CACNG6: variants seen among roughly 807,000 people sequenced by gnomAD.
CACNG6 encodes voltage-dependent calcium channel gamma-6 subunit.
In CACNG6, 21 loss-of-function variants were observed where a neutral mutation model predicts 23.9. The observed-to-expected ratio is 0.88, with a 90% CI of 0.62 to 1.26. The LOEUF (loss-of-function observed/expected upper bound fraction) is 1.26. CACNG6 is among the 50% of genes most tolerant of loss of function. The probability of loss-of-function intolerance (pLI) is 0.00; values close to 1 mark genes in which losing one functional copy is unlikely to be tolerated. For missense variants in CACNG6, 340 were observed against 352.9 expected, an observed-to-expected ratio of 0.96 and a Z score of 0.29; for synonymous variants, 182 against 168.9, an observed-to-expected ratio of 1.08 and a Z score of -0.60.
intron 3 of CACNG6, among the ~76,000 whole-genome samples, chr19:54,005,248 A>AATAAATAAAT (rs2069629560): frequency 8.2e-6 from 1 of 122,120 alleles, no homozygotes; most frequent in Non-Finnish European, 1.7e-5. Flanking sequence ...TAAATAAATA[A>AATAAATAAAT]ATAATAATAA....
chr19:54,005,052 T>C lies in CACNG6; in HGVS notation c.544+5281T>C, dbSNP rs180834894. Among the ~76,000 whole-genome samples the C allele has an allele frequency of 2.5e-3, 367 of 147,226 alleles. 1 individual carries two copies. The highest frequency in any genetic ancestry group is 8.7e-3 in the African/African-American group (349 of 39,888). ...TGGTGAAACCCTGACTCTACTAAAA[T>C]ACAAAAATCAGCCGGGCGTGGTGGC... On this transcript the variant is annotated intron_variant, in intron 3 of 3. Transcript: ENST00000252729.
chr19:54,011,958 G>T lies in CACNG6; in HGVS notation c.552G>T (p.Leu184=), dbSNP rs750548219. The T allele has an allele frequency of 2.4e-5, 36 of 1,527,426 alleles. No homozygotes were observed. In the Admixed American group the frequency reaches 7.7e-4, roughly 33 times the overall value. The allele number at this position is 1,527,426 out of a possible 1,614,324, so 94.6% of individuals were successfully genotyped here. ...CTGTCCTCTCTCCCGCAGGCCTGCTGCTCTTGGTGAGCCTGGAGGTGTTCC... is the reference window on the plus strand; with the variant it reads ...CTGTCCTCTCTCCCGCAGGCCTGCTTCTCTTGGTGAGCCTGGAGGTGTTCC... ...GAVCFGLSGL[L]LLVSLEVFRH... The change falls in exon 4 of 4, where the codon CTG becomes CTT. Residue 184 remains leucine, a synonymous_variant. Transcript: ENST00000252729.
Position 53,998,327 on chromosome 19 carries a change from ACC to A in CACNG6, c.406+18_406+19del. 6.2e-7 allele frequency: 1 copy of A among 1,611,734 alleles called. No individual in the cohort carries two copies. Among genetic ancestry groups the A allele is most frequent in the Non-Finnish European group, 8.5e-7 (1 of 1,178,108 alleles). On this transcript the variant is annotated intron_variant, in intron 2 of 3. Coordinates refer to ENST00000252729, the MANE Select transcript of CACNG6 (RefSeq NM_145814.2). The stretch of plus-strand genomic sequence containing the variant: ...CCACAAAGAAAGGTGAGAACTTTTC[ACC>A]CCCTGCTGGGTGACAGGTGGGGGAA...
At chr19:54,009,773 T>C (rs2069684569) in intron 3 of CACNG6, among the ~76,000 whole-genome samples, 1 of 93,766 alleles carries the variant, frequency 1.1e-5, no homozygotes, top group South Asian at 3.7e-4. Flanking sequence ...TTCTTCTTTT[T>C]TGCTTTTTTT....
chr19:53,998,851 C>T (rs1208460225), intron 2 of CACNG6, among the ~76,000 whole-genome samples: 2 of 151,810 alleles, frequency 1.3e-5, no homozygotes, highest in African/African-American at 4.8e-5. Flanking sequence ...ATGCCACGTT[C>T]TGTGTCACCC....
At chr19:54,011,205 A>AAAAAATATATATATATATATAT (rs58054808) in intron 3 of CACNG6, among the ~76,000 whole-genome samples, 3 of 102,508 alleles carry the variant, frequency 2.9e-5, no homozygotes, top group African/African-American at 4.9e-5. Flanking sequence ...AAAAAAAAAA[A>AAAAAATATATATATATATATAT]ATATATATAT....
In CACNG6 at chr19:53,992,963, CG is replaced by C; in HGVS notation, c.90del (p.Leu31Ter). On this transcript the variant is annotated frameshift_variant, in exon 1 of 4. Coordinates refer to ENST00000252729, the MANE Select transcript of CACNG6 (RefSeq NM_145814.2). LOFTEE classifies it high-confidence loss of function. This position sits in a 1 kb window ranked among gnomAD's most constrained non-coding sequence, Gnocchi z 4.1. ...GRRRAHGQGR[S>X]GLTPEREGKV... ...CGGCGGGCGCACGGGCAGGGCAGGT[CG>C]GGGCTGACGCCCGAGCGCGAGGGGA... 7.0e-7 allele frequency: 1 copy of C among 1,429,020 alleles called. No homozygotes were observed. Among genetic ancestry groups the C allele is most frequent in the Non-Finnish European group, 9.1e-7 (1 of 1,095,616 alleles). The allele number at this position is 1,429,020 out of a possible 1,614,324, so 88.5% of individuals were successfully genotyped here. A position where few individuals can be genotyped will look rare whatever the true frequency, so the allele number is the denominator to read the frequency against.
intron 3 of CACNG6, 42 bp from the exon 4 acceptor site, chr19:54,011,909 G>C: frequency 7.4e-7 from 1 of 1,350,632 alleles, no homozygotes; most frequent in Non-Finnish European, 9.8e-7. Context: ...GACACAGCTG[G>C]GGTCGCGGGC....
chr19:54,000,298 G>A (rs954614690), intron 3 of CACNG6, among the ~76,000 whole-genome samples: 7 of 152,146 alleles, frequency 4.6e-5, no homozygotes, highest in Admixed American at 1.3e-4. Context: ...GCACTATAGC[G>A]TGTTGAGAGG....
Position 54,011,932 on chromosome 19 carries a change from G to C in CACNG6, c.545-19G>C. Reference sequence around the variant, plus strand: ...TGGGGTCGCGGGCGTCTGACTGCGAGCTGTCCTCTCTCCCGCAGGCCTGCT... The same window carrying C: ...TGGGGTCGCGGGCGTCTGACTGCGACCTGTCCTCTCTCCCGCAGGCCTGCT... On this transcript the variant is annotated intron_variant, in intron 3 of 3. Coordinates refer to ENST00000252729, the MANE Select transcript of CACNG6 (RefSeq NM_145814.2). The C allele has an allele frequency of 6.9e-7, 1 of 1,453,054 alleles. No individual in the cohort carries two copies. Among genetic ancestry groups the C allele is most frequent in the Non-Finnish European group, 9.1e-7 (1 of 1,098,000 alleles). 90.0% of individuals were successfully genotyped at this position (1,453,054 alleles called of 1,614,324 possible).
intron 3 of CACNG6, among the ~76,000 whole-genome samples, chr19:54,002,280 TTTTG>T (rs796738059): frequency 1.5e-4 from 20 of 135,176 alleles, no homozygotes; most frequent in African/African-American, 6.5e-4. Flanking sequence ...TTTTTGTTTT[TTTTG>T]TTTTTTTTTT....
At chr19:54,008,817 A>T (rs913388960) in intron 3 of CACNG6, among the ~76,000 whole-genome samples, 1 of 151,986 alleles carries the variant, frequency 6.6e-6, no homozygotes, top group Non-Finnish European at 1.5e-5. Flanking sequence ...CCTTCCTTTC[A>T]TGCATCACCC....
intron 1 of CACNG6, among the ~76,000 whole-genome samples, chr19:53,995,063 G>T (rs1045412448): frequency 1.3e-5 from 2 of 152,090 alleles, no homozygotes; most frequent in Admixed American, 6.5e-5. Flanking sequence ...AAATGAGGGG[G>T]CGAGAAATCT....
At chr19:54,009,624 GC>G (rs1568819169) in intron 3 of CACNG6, among the ~76,000 whole-genome samples, 1 of 151,922 alleles carries the variant, frequency 6.6e-6, no homozygotes, top group African/African-American at 2.4e-5. Context: ...CTTACTTGCC[GC>G]CCTGTGTGTT....
In CACNG6 at chr19:53,992,921, G is replaced by C. The variant is rs904562967; in HGVS notation, c.44G>C (p.Arg15Pro). Reference sequence around the variant, plus strand: ...TTCCTGCAAGAGGAGAACCGGCGGCGGGGGGCCGCGGGCCGGCGGCGGGCG... The same window carrying C: ...TTCCTGCAAGAGGAGAACCGGCGGCCGGGGGCCGCGGGCCGGCGGCGGGCG... ...NFFLQEENRRRGAAGRRRAHG... is the reference protein window; with the variant it reads ...NFFLQEENRRPGAAGRRRAHG... The change falls in exon 1 of 4, where the codon CGG becomes CCG. Residue 15 changes from arginine (R) to proline (P), a missense_variant. Physicochemically the swap from Arg to Pro is moderately radical, Grantham distance 103. Transcript: ENST00000252729. The surrounding 1 kb of genome is among the most constrained non-coding windows in gnomAD (Gnocchi z 4.1). 2 of 1,399,048 alleles carry C rather than the reference G, an allele frequency of 1.4e-6. No individual in the cohort carries two copies. Among genetic ancestry groups the C allele is most frequent in the Non-Finnish European group, 1.9e-6 (2 of 1,079,472 alleles). The allele number at this position is 1,399,048 out of a possible 1,614,324, so 86.7% of individuals were successfully genotyped here.
At chr19:54,010,734 C>T (rs1236123570) in intron 3 of CACNG6, among the ~76,000 whole-genome samples, 5 of 151,890 alleles carry the variant, frequency 3.3e-5, no homozygotes, top group Non-Finnish European at 5.9e-5. Flanking sequence ...ACCACCACAC[C>T]TGGCTAATTT....
At chr19:53,997,201 A>C (rs2069529184) in intron 1 of CACNG6, among the ~76,000 whole-genome samples, 1 of 152,064 alleles carries the variant, frequency 6.6e-6, no homozygotes, top group African/African-American at 2.4e-5. Context: ...TAAATTATTA[A>C]TATTAATTAT....
chr19:54,007,394 G>A (rs1189951421), intron 3 of CACNG6, among the ~76,000 whole-genome samples: 3 of 152,150 alleles, frequency 2.0e-5, no homozygotes, highest in Non-Finnish European at 2.9e-5. Context: ...CATGTTCTGA[G>A]GTACTTGGGG....
chr19:54,002,069 A>G (rs772763495), intron 3 of CACNG6, among the ~76,000 whole-genome samples: 8 of 147,410 alleles, frequency 5.4e-5, no homozygotes, highest in Non-Finnish European at 9.0e-5. Context: ...CTCTTTCCCT[A>G]TGTCTCTTTC....
Sources: gnomAD v4.1 joint callset for allele counts (sites outside exome capture counted in the v4.1 genomes callset) on GRCh38, gnomAD v4.1.1 for gene constraint, Gnocchi (gnomAD v3.1) non-coding constraint, MANE v1.5 for transcripts, NCBI Gene and HGNC (gene_info 2026-07-23, HGNC 2026-07-21) for gene names.